Variants in PDZRN3 observed in about 807,000 individuals in gnomAD.
PDZRN3 encodes the protein PDZ domain containing ring finger 3.
A neutral mutation model predicts 85.7 loss-of-function variants in PDZRN3; 38 were observed. The observed-to-expected ratio is 0.44, with a 90% CI of 0.34 to 0.58. The LOEUF is 0.58. PDZRN3 is among the 20% of genes least tolerant of loss of function. The probability of loss-of-function intolerance (pLI) is 0.01; values close to 1 mark genes in which losing one functional copy is unlikely to be tolerated. For missense variants in PDZRN3, 1,629 were observed against 1,506.4 expected, an observed-to-expected ratio of 1.08 and a Z score of -1.35; for synonymous variants, 759 against 638.0, an observed-to-expected ratio of 1.19 and a Z score of -2.86.
At chr3:73,512,246 G>T (rs770837346) in intron 3 of PDZRN3, among the ~76,000 whole-genome samples, 1 of 152,222 alleles carries the variant, frequency 6.6e-6, no homozygotes, top group South Asian at 2.1e-4. Flanking sequence ...GCAGCGAACC[G>T]TTCCAAATTC....
chr3:73,427,761 C>T (rs1441880006), intron 3 of PDZRN3, among the ~76,000 whole-genome samples: 5 of 152,224 alleles, frequency 3.3e-5, no homozygotes, highest in Admixed American at 6.5e-5. Context: ...CTGGTAAACA[C>T]ATCCTGAACA....
chr3:73,581,500 T>C (rs1260847808), intron 3 of PDZRN3, among the ~76,000 whole-genome samples: 1 of 152,238 alleles, frequency 6.6e-6, no homozygotes, highest in Admixed American at 6.5e-5. Flanking sequence ...TTTTAAAAAC[T>C]GTATGAGTGT....
In PDZRN3 at chr3:73,456,948, A is replaced by G. The variant is rs191533592; in HGVS notation, c.919-52553T>C. 6.9e-4 allele frequency among the ~76,000 whole-genome samples: 105 copies of G among 152,248 alleles called. 2 individuals carry two copies. In the East Asian group the frequency reaches 0.014, roughly 20 times the overall value. On this transcript the variant is annotated intron_variant, in intron 3 of 9. Coordinates refer to ENST00000263666, the MANE Select transcript of PDZRN3 (RefSeq NM_015009.3). ...AGAAGGGGAGTAGGGGGAAAAAAAAAACACCTGGTACTTAATAGACATTAC... is the reference window on the plus strand; with the variant it reads ...AGAAGGGGAGTAGGGGGAAAAAAAAGACACCTGGTACTTAATAGACATTAC...
intron 3 of PDZRN3, among the ~76,000 whole-genome samples, chr3:73,490,297 A>G (rs1703746352): frequency 6.6e-6 from 1 of 152,136 alleles, no homozygotes; most frequent in African/African-American, 2.4e-5. Context: ...TTTGGAGACC[A>G]ACTCTCACTG....
intron 3 of PDZRN3, among the ~76,000 whole-genome samples, chr3:73,539,957 GT>G (rs1704876128): frequency 2.6e-5 from 4 of 152,024 alleles, no homozygotes; most frequent in Admixed American, 2.6e-4. Flanking sequence ...GAAAAAATAT[GT>G]TAAAGTACTG....
intron 3 of PDZRN3, among the ~76,000 whole-genome samples, chr3:73,501,529 T>C (rs1417022324): frequency 6.6e-6 from 1 of 152,200 alleles, no homozygotes; most frequent in Non-Finnish European, 1.5e-5. Flanking sequence ...CCACTTCTAA[T>C]CTAGCAATGG....
chr3:73,587,788 G>A (rs1260635171), intron 3 of PDZRN3, among the ~76,000 whole-genome samples: 1 of 152,068 alleles, frequency 6.6e-6, no homozygotes, highest in Admixed American at 6.6e-5. Flanking sequence ...GTGACCCTGG[G>A]CTCTGCCATT....
chr3:73,423,567 T>C (rs1214506760), intron 3 of PDZRN3, among the ~76,000 whole-genome samples: 2 of 152,218 alleles, frequency 1.3e-5, no homozygotes, highest in Admixed American at 6.5e-5. Context: ...ACATGTAAAC[T>C]TAGGAAATGT....
At chr3:73,499,952 ATAT>A (rs1169099179) in intron 3 of PDZRN3, among the ~76,000 whole-genome samples, 1 of 152,078 alleles carries the variant, frequency 6.6e-6, no homozygotes, top group African/African-American at 2.4e-5. Flanking sequence ...ATATTAGCTA[ATAT>A]TATTGTTGTG....
chr3:73,542,605 C>CT (rs1378331094), intron 3 of PDZRN3, among the ~76,000 whole-genome samples: 1 of 151,966 alleles, frequency 6.6e-6, no homozygotes, highest in East Asian at 1.9e-4. Flanking sequence ...GAAACCCTGT[C>CT]TTTACCAAAA....
chr3:73,463,874 T>G (rs1189462982), intron 3 of PDZRN3, among the ~76,000 whole-genome samples: 4 of 152,200 alleles, frequency 2.6e-5, no homozygotes, highest in Non-Finnish European at 1.5e-5. Flanking sequence ...TGAAATAATC[T>G]GTACAACCCC....
chr3:73,425,849 C>A (rs970370135), intron 3 of PDZRN3, among the ~76,000 whole-genome samples: 1 of 152,178 alleles, frequency 6.6e-6, no homozygotes, highest in African/African-American at 2.4e-5. Flanking sequence ...GATGTGGTGT[C>A]TATAAATCAT....
chr3:73,579,832 G>C (rs1011675767), intron 3 of PDZRN3, among the ~76,000 whole-genome samples: 3 of 151,870 alleles, frequency 2.0e-5, no homozygotes, highest in Admixed American at 6.5e-5. Context: ...GTGTCTCTGT[G>C]TGTGTGTGTG....
At chr3:73,396,479 A>T (rs924252080) in intron 5 of PDZRN3, among the ~76,000 whole-genome samples, 4 of 152,188 alleles carry the variant, frequency 2.6e-5, no homozygotes, top group Non-Finnish European at 4.4e-5. Flanking sequence ...CCCTAGATCT[A>T]TTCCTTGTCC....
At chr3:73,486,976 G>T (rs182264292) in intron 3 of PDZRN3, among the ~76,000 whole-genome samples, 54 of 152,056 alleles carry the variant, frequency 3.6e-4, no homozygotes, top group Non-Finnish European at 5.4e-4. Context: ...TCCAAAGTTG[G>T]TGCCCACTGT....
rs960332289 is a variant in PDZRN3 at position 73,455,490 on chromosome 3, C to G, written c.919-51095G>C. 1.1e-4 allele frequency among the ~76,000 whole-genome samples: 16 copies of G among 152,196 alleles called. 1 individual carries two copies. Among genetic ancestry groups the G allele is most frequent in the African/African-American group, 2.7e-4 (11 of 41,442 alleles). On this transcript the variant is annotated intron_variant, in intron 3 of 9. Transcript: ENST00000263666. Reference sequence around the variant, plus strand: ...AAAAGACATATCAGATCTGGGAAGTCAAGGCATTGGCCATTATGTGCCACT... The same window carrying G: ...AAAAGACATATCAGATCTGGGAAGTGAAGGCATTGGCCATTATGTGCCACT...
chr3:73,425,939 C>G (rs1243740716), intron 3 of PDZRN3, among the ~76,000 whole-genome samples: 1 of 152,102 alleles, frequency 6.6e-6, no homozygotes, highest in Admixed American at 6.5e-5. Context: ...AAGAATTCTG[C>G]CAATTCAGAT....
chr3:73,464,480 T>A (rs980157298), intron 3 of PDZRN3, among the ~76,000 whole-genome samples: 2 of 152,242 alleles, frequency 1.3e-5, no homozygotes, highest in African/African-American at 4.8e-5. Context: ...ATTGTTGAAC[T>A]CTCACATAAG....
chr3:73,546,347 C>T (rs1701422697), intron 3 of PDZRN3, among the ~76,000 whole-genome samples: 1 of 152,196 alleles, frequency 6.6e-6, no homozygotes, highest in African/African-American at 2.4e-5. Flanking sequence ...AATCTCACCA[C>T]CACATTGCAT....
Sources: gnomAD v4.1 joint callset for allele counts (sites outside exome capture counted in the v4.1 genomes callset) on GRCh38, gnomAD v4.1.1 for gene constraint, MANE v1.5 for transcripts, NCBI Gene and HGNC (gene_info 2026-07-23, HGNC 2026-07-21) for gene names.